ASB7: variants seen among roughly 807,000 people sequenced by gnomAD.
ASB7 encodes the protein ankyrin repeat and SOCS box containing 7.
ASB7 carries 4 observed loss-of-function variants against 32.5 expected under a neutral mutation model. That is an observed-to-expected ratio of 0.12 (90% CI 0.06 to 0.28). ASB7 has a LOEUF of 0.28. Ranked by LOEUF, ASB7 falls within the 10% of genes least tolerant of loss-of-function variation. ASB7 has a pLI of 1.00. For missense variants in ASB7, 181 were observed against 407.1 expected (o/e 0.44, Z 4.78); for synonymous variants, 172 against 155.6 (o/e 1.11, Z -0.78).
chr15:100,614,572 A>C (rs1243393017), intron 4 of ASB7, among the ~76,000 whole-genome samples: 1 of 152,146 alleles, frequency 6.6e-6, no homozygotes, highest in Non-Finnish European at 1.5e-5. Flanking sequence ...GCTGTGTTCC[A>C]GTAAAACTTT....
chr15:100,621,645 T>C (rs1597003276), intron 4 of ASB7, among the ~76,000 whole-genome samples: 1 of 152,268 alleles, frequency 6.6e-6, no homozygotes, highest in South Asian at 2.1e-4. Context: ...TATATGACAG[T>C]AATTGCACAA....
At chr15:100,620,856 A>G (rs929577192) in intron 4 of ASB7, among the ~76,000 whole-genome samples, 1 of 152,198 alleles carries the variant, frequency 6.6e-6, no homozygotes, top group African/African-American at 2.4e-5. Flanking sequence ...TGTTTATGCA[A>G]ATTGGCCCAC....
rs759079893 is a variant in ASB7, at chr15:100,629,834, G to A, written c.609G>A (p.Gly203=). ...HSYCRMFLQR[G]ADTNLGRLED... ...ATTGCCGAATGTTCCTTCAGAGAGG[G>A]GCAGACACAAACTTGGGTCGCTTAG... Residue 203 remains glycine (G), a synonymous_variant, in exon 5 of 6, where the codon GGG becomes GGA. Coordinates refer to ENST00000332783, the MANE Select transcript of ASB7 (RefSeq NM_198243.3). The surrounding 1 kb of genome is among the most constrained non-coding windows in gnomAD (Gnocchi z 6.8). 8 of 1,614,166 alleles carry A rather than the reference G, an allele frequency of 5.0e-6. No homozygotes were observed. The South Asian group carries it at 6.6e-5, about 13-fold the overall frequency.
rs187134232 is a variant in ASB7, at chr15:100,649,150, G to C, written c.*688G>C. ...CACTGCATCTCGATTTCTATCTCTA[G>C]TTAGAGTTGTACTTTTAAAAAAATT... On this transcript the variant is annotated 3_prime_UTR_variant, in exon 6 of 6. Coordinates refer to ENST00000332783, the MANE Select transcript of ASB7 (RefSeq NM_198243.3). 2 of 152,438 alleles carry C rather than the reference G, an allele frequency of 1.3e-5. No homozygotes were observed. The highest frequency in any genetic ancestry group is 1.9e-4 in the East Asian group (1 of 5,186). 9.4% of individuals were successfully genotyped at this position (152,438 alleles called of 1,614,324 possible). A position where few individuals can be genotyped will look rare whatever the true frequency, so the allele number is the denominator to read the frequency against.
chr15:100,614,207 G>A (rs4965684), intron 4 of ASB7, among the ~76,000 whole-genome samples: 38,965 of 151,062 alleles, frequency 0.26, 5,224 homozygotes, highest in Middle Eastern at 0.33. Context: ...CCAGTGGGTG[G>A]AGGTTGCAGT....
chr15:100,650,988 G>A lies in ASB7; in HGVS notation c.*2526G>A, dbSNP rs548480029. On this transcript the variant is annotated 3_prime_UTR_variant, in exon 6 of 6. Transcript: ENST00000332783. Reference sequence around the variant, plus strand: ...ACAGATATTTTCAGAAAAATCAACCGATTGTTTTTTCCAGAAACAGAACAG... The same window carrying A: ...ACAGATATTTTCAGAAAAATCAACCAATTGTTTTTTCCAGAAACAGAACAG... 5 of 152,230 alleles carry A rather than the reference G, an allele frequency of 3.3e-5. No individual in the cohort carries two copies. The East Asian group carries it at 5.8e-4, about 18-fold the overall frequency. The allele number at this position is 152,230 out of a possible 1,614,324, so 9.4% of individuals were successfully genotyped here. A position where few individuals can be genotyped will look rare whatever the true frequency, so the allele number is the denominator to read the frequency against.
intron 4 of ASB7, among the ~76,000 whole-genome samples, chr15:100,619,088 G>A (rs1354197173): frequency 6.6e-6 from 1 of 152,102 alleles, no homozygotes; most frequent in African/African-American, 2.4e-5. Flanking sequence ...TGTGTAATAA[G>A]GTCCTCACTG....
At chr15:100,618,572 T>C (rs772476147) in intron 4 of ASB7, among the ~76,000 whole-genome samples, 59 of 152,090 alleles carry the variant, frequency 3.9e-4, no homozygotes, top group Non-Finnish European at 6.0e-4. Context: ...AGACTTGACT[T>C]TTCACTCTCT....
chr15:100,613,978 A>G (rs1452291471), intron 4 of ASB7, among the ~76,000 whole-genome samples: 2 of 152,156 alleles, frequency 1.3e-5, no homozygotes, highest in Non-Finnish European at 2.9e-5. Context: ...GACTCATAGA[A>G]ATTCAGTCAT....
chr15:100,611,481 A>ATTTTTTTTTTTTTTTTTTTTTTTT (rs1188398570), intron 3 of ASB7, among the ~76,000 whole-genome samples: 1 of 13,288 alleles, frequency 7.5e-5, no homozygotes, highest in Non-Finnish European at 2.5e-4. Context: ...GATTGTTTCG[A>ATTTTTTTTTTTTTTTTTTTTTTTT]TTCTTTTTTT....
chr15:100,643,647 G>A (rs559371690), intron 5 of ASB7, among the ~76,000 whole-genome samples: 8 of 151,228 alleles, frequency 5.3e-5, no homozygotes, highest in African/African-American at 9.7e-5. Flanking sequence ...CCGCCACCAC[G>A]CCTGGCTAAT....
At chr15:100,605,620 T>A (rs527764977) in intron 2 of ASB7, among the ~76,000 whole-genome samples, 1 of 152,328 alleles carries the variant, frequency 6.6e-6, no homozygotes, top group Non-Finnish European at 1.5e-5. Context: ...TATATGGGCA[T>A]ATCTGTTACC....
intron 5 of ASB7, among the ~76,000 whole-genome samples, chr15:100,647,306 ACT>A (rs2040003366): frequency 6.6e-6 from 1 of 152,150 alleles, no homozygotes; most frequent in Non-Finnish European, 1.5e-5. Flanking sequence ...TCTCTCTGAG[ACT>A]CTATAAAATG....
At chr15:100,604,540 G>C (rs2039622446) in intron 2 of ASB7, among the ~76,000 whole-genome samples, 1 of 152,126 alleles carries the variant, frequency 6.6e-6, no homozygotes, top group African/African-American at 2.4e-5. Flanking sequence ...AAAGAAATTA[G>C]TATCTTTACT....
Position 100,640,811 on chromosome 15 carries a change from C to T in ASB7, c.818-7512C>T, listed in dbSNP as rs145243587. 5.5e-3 allele frequency among the ~76,000 whole-genome samples: 842 copies of T among 152,050 alleles called. 3 individuals carry two copies. The highest frequency in any genetic ancestry group is 9.8e-3 in the Admixed American group (149 of 15,270). Reference sequence around the variant, plus strand: ...GGATATTTAATTTTCTAAATTATGCCGCTGGCCCTGGTTTTGTAATTTACG... The same window carrying T: ...GGATATTTAATTTTCTAAATTATGCTGCTGGCCCTGGTTTTGTAATTTACG... On this transcript the variant is annotated intron_variant, in intron 5 of 5. Transcript: ENST00000332783.
intron 3 of ASB7, among the ~76,000 whole-genome samples, chr15:100,610,684 C>T (rs1356796290): frequency 2.0e-5 from 3 of 152,158 alleles, no homozygotes; most frequent in Non-Finnish European, 4.4e-5. Flanking sequence ...TTTGACTTAA[C>T]CTAGGCCTAA....
chr15:100,611,484 C>CTTTTTTTTTTTTTTTTTTT (rs61153969), intron 3 of ASB7, among the ~76,000 whole-genome samples: 2,741 of 76,908 alleles, frequency 0.036, 750 homozygotes, highest in African/African-American at 0.042. Flanking sequence ...TGTTTCGATT[C>CTTTTTTTTTTTTTTTTTTT]TTTTTTTTTT....
At chr15:100,612,686 A>G (rs2039707456) in intron 4 of ASB7, among the ~76,000 whole-genome samples, 2 of 152,200 alleles carry the variant, frequency 1.3e-5, no homozygotes, top group Admixed American at 6.5e-5. Flanking sequence ...TATTTCAGCT[A>G]AGCTACCTTT....
At chr15:100,610,619 A>G (rs989581310) in intron 3 of ASB7, among the ~76,000 whole-genome samples, 2 of 152,198 alleles carry the variant, frequency 1.3e-5, no homozygotes, top group African/African-American at 4.8e-5. Flanking sequence ...AGGTAATGAC[A>G]CCATTTTCTA....
Sources: gnomAD v4.1 joint callset for allele counts (sites outside exome capture counted in the v4.1 genomes callset) on GRCh38, gnomAD v4.1.1 for gene constraint, Gnocchi (gnomAD v3.1) non-coding constraint, MANE v1.5 for transcripts, NCBI Gene and HGNC (gene_info 2026-07-23, HGNC 2026-07-21) for gene names.